Variants in STARD6 observed in about 807,000 individuals in gnomAD.
STARD6 encodes the protein StAR related lipid transfer domain containing 6, also known as stAR-related lipid transfer protein 6.
A neutral mutation model predicts 22.3 loss-of-function variants in STARD6; 21 were observed. That is an observed-to-expected ratio of 0.94 (90% CI 0.67 to 1.35). The LOEUF (loss-of-function observed/expected upper bound fraction) is 1.35, where lower values mean the gene tolerates loss of function less well. Ranked by LOEUF, STARD6 falls within the 40% of genes most tolerant of loss-of-function variation. STARD6 has a pLI of 0.00. For missense variants in STARD6, 269 were observed against 266.9 expected (o/e 1.01, Z -0.05); for synonymous variants, 80 against 88.1 (o/e 0.91, Z 0.52).
intron 7 of STARD6, among the ~76,000 whole-genome samples, chr18:54,329,100 TG>T (rs1353930259): frequency 3.0e-4 from 46 of 152,218 alleles, no homozygotes; most frequent in Middle Eastern, 3.4e-3. Flanking sequence ...TGCTGGGAAA[TG>T]TTTGTGTGTG....
At chr18:54,344,583 T>C (rs376877166) in intron 4 of STARD6, among the ~76,000 whole-genome samples, 1 of 94,094 alleles carries the variant, frequency 1.1e-5, no homozygotes, top group Admixed American at 1.1e-4. Flanking sequence ...AAAAATAAAT[T>C]AAAAAAAAAA....
Position 54,337,271 on chromosome 18 carries a change from G to C in STARD6, c.141-20C>G, listed in dbSNP as rs774302787. 24 of 1,601,180 alleles carry C rather than the reference G, an allele frequency of 1.5e-5. No individual in the cohort carries two copies. The highest frequency in any genetic ancestry group is 2.7e-5 in the African/African-American group (2 of 74,150). On this transcript the variant is annotated intron_variant, in intron 4 of 7. Transcript: ENST00000307844. ...CGATATCTACAGTTAACAAAATAAA[G>C]AAAATTCAAAGCTTAAAAAGTTTAG... is the stretch of plus-strand genomic sequence containing the variant.
chr18:54,353,232 G>T (rs910527834), intron 4 of STARD6, among the ~76,000 whole-genome samples: 2 of 152,164 alleles, frequency 1.3e-5, no homozygotes, highest in African/African-American at 4.8e-5. Context: ...TGGCCCTGAT[G>T]TACTATCATG....
intron 7 of STARD6, among the ~76,000 whole-genome samples, chr18:54,325,881 C>A (rs931175138): frequency 6.6e-6 from 1 of 152,140 alleles, no homozygotes; most frequent in African/African-American, 2.4e-5. Context: ...CTTATAATTT[C>A]TAGGTCAAAG....
chr18:54,347,515 T>A (rs1182677438), intron 4 of STARD6, among the ~76,000 whole-genome samples: 1 of 152,136 alleles, frequency 6.6e-6, no homozygotes, highest in Non-Finnish European at 1.5e-5. Flanking sequence ...TTAAAAATAG[T>A]ACTACAATAT....
rs769379736 is a variant in STARD6 at position 54,337,126 on chromosome 18, G to A, written c.266C>T (p.Ser89Leu). The A allele has an allele frequency of 2.1e-5, 34 of 1,604,030 alleles. No individual in the cohort carries two copies. The highest frequency in any genetic ancestry group is 2.6e-5 in the Non-Finnish European group (30 of 1,175,782). Reference sequence around the variant, plus strand: ...GTCCAGTATTAAACAACAAATTACCGAATCAATCCTGTGTACCATATTATA... The same window carrying A: ...GTCCAGTATTAAACAACAAATTACCAAATCAATCCTGTGTACCATATTATA... The part of the protein sequence containing the change: ...QVYNMVHRID[S>L]DTFICHTITQ... The change falls in exon 5 of 8, where the codon TCG (serine) becomes TTG (leucine). Residue 89 changes from serine (S) to leucine (L), a missense_variant and splice_region_variant. By Grantham distance (145) the Ser-to-Leu change is moderately radical. Transcript: ENST00000307844.
intron 4 of STARD6, among the ~76,000 whole-genome samples, chr18:54,352,067 C>A (rs77943851): frequency 2.0e-5 from 3 of 150,308 alleles, no homozygotes; most frequent in Non-Finnish European, 4.4e-5. Context: ...GAATCCATCT[C>A]GTTCTGGACT....
intron 4 of STARD6, among the ~76,000 whole-genome samples, chr18:54,338,923 C>G (rs901148237): frequency 1.3e-5 from 2 of 151,816 alleles, no homozygotes; most frequent in African/African-American, 4.8e-5. Context: ...TGGCATGTGC[C>G]TGTCATCCCA....
chr18:54,329,246 A>C, intron 7 of STARD6, 101 bp downstream of exon 7: 1 of 880,396 alleles, frequency 1.1e-6, no homozygotes, highest in Non-Finnish European at 1.7e-6. Flanking sequence ...GCAACAGAAT[A>C]TGCTGCTACA....
At chr18:54,351,294 T>C (rs1009111955) in intron 4 of STARD6, among the ~76,000 whole-genome samples, 4 of 152,222 alleles carry the variant, frequency 2.6e-5, no homozygotes, top group South Asian at 2.1e-4. Flanking sequence ...TGTTGCTGCA[T>C]AGCAGTGCTA....
chr18:54,339,187 C>T (rs1295944555), intron 4 of STARD6, among the ~76,000 whole-genome samples: 2 of 146,388 alleles, frequency 1.4e-5, no homozygotes, highest in Non-Finnish European at 3.0e-5. Context: ...CCATTAAACA[C>T]ATCAATATAC....
rs1334961753 is a variant in STARD6, at chr18:54,340,154, TCTC to T, written c.141-2906_141-2904del. Among the ~76,000 whole-genome samples, 13 of 152,232 alleles carry T rather than the reference TCTC, an allele frequency of 8.5e-5. No homozygotes were observed. In the East Asian group the frequency reaches 2.3e-3, roughly 27 times the overall value. ...GAAATATCTTGAAGTATGTTTGTAT[TCTC>T]CTATTAAGTTCTTTAAAAGATACTA... On this transcript the variant is annotated intron_variant, in intron 4 of 7. Transcript: ENST00000307844.
intron 4 of STARD6, among the ~76,000 whole-genome samples, chr18:54,351,383 G>A (rs927116627): frequency 3.3e-5 from 5 of 152,164 alleles, no homozygotes; most frequent in African/African-American, 9.6e-5. Context: ...AGTCATTAGG[G>A]TTTTATAGGT....
At chr18:54,336,847 G>A (rs2088918868) in intron 5 of STARD6, among the ~76,000 whole-genome samples, 1 of 152,180 alleles carries the variant, frequency 6.6e-6, no homozygotes, top group Non-Finnish European at 1.5e-5. Context: ...TCCATGTAAT[G>A]GAGGTGAATC....
chr18:54,347,560 G>A (rs1006582969), intron 4 of STARD6, among the ~76,000 whole-genome samples: 1 of 151,908 alleles, frequency 6.6e-6, no homozygotes, highest in Non-Finnish European at 1.5e-5. Flanking sequence ...CATTCCTTAA[G>A]TTTTTCATAA....
chr18:54,349,699 T>C (rs1472027994), intron 4 of STARD6, among the ~76,000 whole-genome samples: 1 of 152,206 alleles, frequency 6.6e-6, no homozygotes, highest in African/African-American at 2.4e-5. Flanking sequence ...TATATCATTC[T>C]TATGCCTTTG....
rs1027486809 is a variant in STARD6, at chr18:54,325,650, C to T, written c.480-775G>A. ...GCAGCCTCGAACTCCTGAATTTAAGCGATTCTCCAGCCTCAGTCTTCTGAG... is the reference window on the plus strand; with the variant it reads ...GCAGCCTCGAACTCCTGAATTTAAGTGATTCTCCAGCCTCAGTCTTCTGAG... On this transcript the variant is annotated intron_variant, in intron 7 of 7. Transcript: ENST00000307844. 4.0e-5 allele frequency among the ~76,000 whole-genome samples: 6 copies of T among 151,822 alleles called. No homozygotes were observed. The East Asian group carries it at 9.7e-4, about 24-fold the overall frequency.
intron 1 of STARD6, 74 bp from the exon 2 acceptor site, chr18:54,356,518 A>G (rs1348386086): frequency 1.3e-5 from 2 of 152,208 alleles, no homozygotes; most frequent in East Asian, 1.9e-4. Context: ...AATTTTCTTT[A>G]TATCTTCTCA....
intron 2 of STARD6, 51 bp from the exon 3 acceptor site, chr18:54,354,628 T>C (rs927723064): frequency 2.4e-5 from 31 of 1,265,916 alleles, no homozygotes; most frequent in Non-Finnish European, 2.9e-5. Flanking sequence ...ATATAAAAAC[T>C]TAAAAAGTGC....
Sources: gnomAD v4.1 joint callset for allele counts (sites outside exome capture counted in the v4.1 genomes callset) on GRCh38, gnomAD v4.1.1 for gene constraint, MANE v1.5 for transcripts, NCBI Gene and HGNC (gene_info 2026-07-23, HGNC 2026-07-21) for gene names.